PEMT: variants seen among roughly 807,000 people sequenced by gnomAD.
The protein encoded by PEMT is phospholipid methyltransferase.
Under a neutral mutation model 27.4 loss-of-function variants are expected in PEMT, and 23 were observed. That is an observed-to-expected ratio of 0.84 (90% CI 0.60 to 1.19). PEMT has a LOEUF of 1.19. Among genes scored for constraint, PEMT ranks in the 50% most tolerant of loss-of-function variants. PEMT has a pLI of 0.00. For missense variants in PEMT, 307 were observed against 310.1 expected, an observed-to-expected ratio of 0.99 and a Z score of 0.07; for synonymous variants, 137 against 139.1, an observed-to-expected ratio of 0.98 and a Z score of 0.11.
chr17:17,528,487 T>G (rs1907857968), intron 2 of PEMT, among the ~76,000 whole-genome samples: 1 of 152,204 alleles, frequency 6.6e-6, no homozygotes, highest in East Asian at 1.9e-4. Flanking sequence ...CTCCGAGGCC[T>G]TCTCTCCTCT....
chr17:17,520,764 C>T (rs1907205270), intron 3 of PEMT, among the ~76,000 whole-genome samples: 1 of 152,264 alleles, frequency 6.6e-6, no homozygotes, highest in Non-Finnish European at 1.5e-5. Context: ...CTAGAGAAAG[C>T]AGGCAGCCCT....
At chr17:17,591,163 C>G (rs1912565163) in intron 1 of PEMT, among the ~76,000 whole-genome samples, 1 of 152,146 alleles carries the variant, frequency 6.6e-6, no homozygotes, top group African/African-American at 2.4e-5. Flanking sequence ...CACACTCACA[C>G]TCACTCTCCG....
At chr17:17,546,880 G>T (rs988795450) in intron 2 of PEMT, among the ~76,000 whole-genome samples, 2 of 152,258 alleles carry the variant, frequency 1.3e-5, no homozygotes, top group Non-Finnish European at 2.9e-5. Context: ...CATTTGCTAC[G>T]TGCTGACCCT....
chr17:17,562,763 C>T (rs575578088), intron 2 of PEMT, among the ~76,000 whole-genome samples: 4 of 151,916 alleles, frequency 2.6e-5, no homozygotes, highest in Admixed American at 2.6e-4. Context: ...GAGTGGAGAT[C>T]GCACCACTGC....
intron 3 of PEMT, chr17:17,517,855 T>C: frequency 6.5e-6 from 3 of 462,490 alleles, no homozygotes; most frequent in Non-Finnish European, 8.5e-6. Flanking sequence ...GGCTCACTCC[T>C]CCAGGCCTTG....
intron 2 of PEMT, among the ~76,000 whole-genome samples, chr17:17,575,855 A>G (rs1203488054): frequency 6.6e-6 from 1 of 152,208 alleles, no homozygotes; most frequent in Non-Finnish European, 1.5e-5. Context: ...CTTTGACATG[A>G]GCAGGCTGGC....
At chr17:17,543,456 G>A (rs1597910905) in intron 2 of PEMT, among the ~76,000 whole-genome samples, 1 of 152,352 alleles carries the variant, frequency 6.6e-6, no homozygotes. Context: ...AAGGGGCCAC[G>A]GAAGGCAGCG....
intron 1 of PEMT, among the ~76,000 whole-genome samples, chr17:17,586,277 A>AAAGG (rs1912295185): frequency 2.7e-5 from 3 of 111,338 alleles, no homozygotes; most frequent in African/African-American, 9.2e-5. Flanking sequence ...AGAAAGAAAG[A>AAAGG]AAGAAAGAAA....
Position 17,522,281 on chromosome 17 carries a change from A to G in PEMT, c.319T>C (p.Cys107Arg), listed in dbSNP as rs1422382053. ...ILLLNFLRSH[C>R]FTQAMLSQPR... ...CCCCAGTGAGAGAGCTGTGCTTACC[A>G]GTGCGAGCGCAGGAAGTTCAGGAGC... Residue 107 changes from cysteine to arginine, a missense_variant and splice_region_variant, in exon 3 of 7, where the codon TGC becomes CGC. By Grantham distance (180) the Cys-to-Arg change is radical. Transcript: ENST00000255389. 2 of 1,606,740 alleles carry G rather than the reference A, an allele frequency of 1.2e-6. No individual in the cohort carries two copies. The highest frequency in any genetic ancestry group is 1.6e-4 in the Middle Eastern group (1 of 6,068).
chr17:17,507,528 G>C (rs1905973218), intron 5 of PEMT: 1 of 341,072 alleles, frequency 2.9e-6, no homozygotes, highest in Non-Finnish European at 5.4e-6. Context: ...CCAAGCCCAG[G>C]CTCCAACCCC....
At position 17,591,592 on chromosome 17, in the gene PEMT, G is replaced by A; in HGVS notation, c.35C>T (p.Thr12Met). ...KRSGNPGAEV[T>M]NSSVAGPDCC... ...GTCAGGCCCTGCCACCGAGCTGTTC[G>A]TTACCTCGGCTCCCGGGTTCCCAGA... is the stretch of plus-strand genomic sequence containing the variant. Residue 12 changes from threonine to methionine, a missense_variant, in exon 1 of 7, where the codon ACG (threonine) becomes ATG (methionine). Coordinates refer to ENST00000255389, the MANE Select transcript of PEMT (RefSeq NM_148172.3). 6.2e-7 allele frequency: 1 copy of A among 1,613,532 alleles called. No individual in the cohort carries two copies. Among genetic ancestry groups the A allele is most frequent in the African/African-American group, 1.3e-5 (1 of 75,032 alleles).
At chr17:17,539,518 A>G (rs947428386) in intron 2 of PEMT, among the ~76,000 whole-genome samples, 1 of 152,170 alleles carries the variant, frequency 6.6e-6, no homozygotes, top group East Asian at 1.9e-4. Context: ...ATGTATCCCC[A>G]GCTTGTTCCT....
chr17:17,530,313 T>C (rs554623358), intron 2 of PEMT, among the ~76,000 whole-genome samples: 1 of 152,198 alleles, frequency 6.6e-6, no homozygotes, highest in African/African-American at 2.4e-5. Context: ...TTGACCAACA[T>C]GGTGAAACCC....
At chr17:17,564,469 C>T (rs4646365) in intron 2 of PEMT, among the ~76,000 whole-genome samples, 67,981 of 151,882 alleles carry the variant, frequency 0.45, 15,777 homozygotes, top group Middle Eastern at 0.52. Flanking sequence ...CAGGAAACTA[C>T]AAGCAGGAGA....
intron 2 of PEMT, among the ~76,000 whole-genome samples, chr17:17,549,182 T>A (rs1485568155): frequency 6.6e-6 from 1 of 151,900 alleles, no homozygotes; most frequent in Non-Finnish European, 1.5e-5. Flanking sequence ...TTAACAAAAT[T>A]TTTATTTATT....
chr17:17,509,393 G>A, intron 5 of PEMT, 41 bp downstream of exon 5: 1 of 1,325,030 alleles, frequency 7.5e-7, no homozygotes, highest in Non-Finnish European at 1.1e-6. Flanking sequence ...CTCTCCGGGA[G>A]GTGGCCAGCA....
At chr17:17,516,365 T>C (rs1906836872) in intron 3 of PEMT, among the ~76,000 whole-genome samples, 1 of 151,014 alleles carries the variant, frequency 6.6e-6, no homozygotes, top group South Asian at 2.1e-4. Flanking sequence ...GCTTTGACGC[T>C]GCACTAATTC....
intron 2 of PEMT, among the ~76,000 whole-genome samples, chr17:17,571,734 G>A (rs1911217766): frequency 6.6e-6 from 1 of 150,520 alleles, no homozygotes; most frequent in Non-Finnish European, 1.5e-5. Context: ...TCTGATACAG[G>A]GTCTCACTCT....
chr17:17,508,769 C>T lies in PEMT; in HGVS notation c.578+665G>A, dbSNP rs533387064. 6.8e-5 allele frequency: 32 copies of T among 468,190 alleles called. No homozygotes were observed. The East Asian group carries it at 1.4e-3, about 21-fold the overall frequency. The allele number at this position is 468,190 out of a possible 1,614,324, so 29.0% of individuals were successfully genotyped here. A position where few individuals can be genotyped will look rare whatever the true frequency, so the allele number is the denominator to read the frequency against. On this transcript the variant is annotated intron_variant, in intron 5 of 6. Coordinates refer to ENST00000255389, the MANE Select transcript of PEMT (RefSeq NM_148172.3). ...GTCAGTACCCGTACCTGGCTGAGGC[C>T]GACAGCAGTTCTAGGCTTCCCTCAT... is the stretch of plus-strand genomic sequence containing the variant.
Sources: gnomAD v4.1 joint callset for allele counts (sites outside exome capture counted in the v4.1 genomes callset) on GRCh38, gnomAD v4.1.1 for gene constraint, MANE v1.5 for transcripts, NCBI Gene and HGNC (gene_info 2026-07-23, HGNC 2026-07-21) for gene names.